Variants in CACUL1 observed in about 807,000 individuals in gnomAD.
CACUL1 encodes the protein CDK2-associated and cullin domain-containing protein 1.
CACUL1 carries 13 observed loss-of-function variants against 45.2 expected under a neutral mutation model. That is an observed-to-expected ratio of 0.29 (90% confidence interval 0.19 to 0.46). The LOEUF (loss-of-function observed/expected upper bound fraction) is 0.46. Ranked by LOEUF, CACUL1 falls within the 20% of genes least tolerant of loss-of-function variation. The pLI, the probability that CACUL1 is intolerant of heterozygous loss-of-function variation, is 1.00. For missense variants in CACUL1, 421 were observed against 471.4 expected (o/e 0.89, Z 0.99); for synonymous variants, 197 against 174.2 (o/e 1.13, Z -1.03).
At chr10:118,722,750 T>C (rs1190452909) in intron 3 of CACUL1, among the ~76,000 whole-genome samples, 1 of 152,040 alleles carries the variant, frequency 6.6e-6, no homozygotes, top group East Asian at 1.9e-4. Flanking sequence ...ACTCCAAAGG[T>C]GGGGCTTGGA....
Position 118,691,290 on chromosome 10 carries a change from C to T in CACUL1, c.1000G>A (p.Glu334Lys). ...YAAQDQKFQR[E>K]LIQNGFTRGD... Reference sequence around the variant, plus strand: ...CTTGTAAAACCATTCTGTATAAGTTCTCTTTGAAATTTCTGATCTTGAGCA... The same window carrying T: ...CTTGTAAAACCATTCTGTATAAGTTTTCTTTGAAATTTCTGATCTTGAGCA... Residue 334 changes from glutamate (E) to lysine (K), a missense_variant, in exon 7 of 9, where the codon GAA (glutamate) becomes AAA (lysine). Transcript: ENST00000369151. 1 of 1,613,488 alleles carries T rather than the reference C, an allele frequency of 6.2e-7. No individual in the cohort carries two copies. Among genetic ancestry groups the T allele is most frequent in the Non-Finnish European group, 8.5e-7 (1 of 1,179,768 alleles).
chr10:118,705,715 G>C (rs1845426608), intron 4 of CACUL1, among the ~76,000 whole-genome samples: 1 of 152,024 alleles, frequency 6.6e-6, no homozygotes, highest in African/African-American at 2.4e-5. Flanking sequence ...TTCTAACAAA[G>C]ACACTAATTT....
intron 1 of CACUL1, 126 bp from the exon 2 acceptor site, chr10:118,730,536 C>G (rs754722603): frequency 1.1e-6 from 1 of 873,242 alleles, no homozygotes; most frequent in Non-Finnish European, 1.7e-6. Flanking sequence ...ACTCTATCAC[C>G]TAACTATCCT....
At chr10:118,712,591 A>G (rs879616445) in intron 3 of CACUL1, among the ~76,000 whole-genome samples, 1 of 152,248 alleles carries the variant, frequency 6.6e-6, no homozygotes, top group African/African-American at 2.4e-5. Flanking sequence ...TCACTGAGCA[A>G]CAGAACAGCT....
At chr10:118,732,739 C>T (rs1274691110) in intron 1 of CACUL1, among the ~76,000 whole-genome samples, 1 of 152,148 alleles carries the variant, frequency 6.6e-6, no homozygotes, top group Non-Finnish European at 1.5e-5. Context: ...CCCTGCCTCA[C>T]TTCCCCAATC....
At chr10:118,733,359 C>T (rs928963486) in intron 1 of CACUL1, among the ~76,000 whole-genome samples, 5 of 152,190 alleles carry the variant, frequency 3.3e-5, no homozygotes, top group South Asian at 4.1e-4. Context: ...TATTTCCACA[C>T]GTATTATTTA....
chr10:118,701,866 GACC>G (rs1282582964), intron 4 of CACUL1, among the ~76,000 whole-genome samples: 2 of 152,210 alleles, frequency 1.3e-5, no homozygotes, highest in East Asian at 3.9e-4. Flanking sequence ...ATTCCCTGGG[GACC>G]ACCTTTGGTT....
chr10:118,693,290 A>T (rs1845289865), intron 6 of CACUL1: 1 of 155,144 alleles, frequency 6.4e-6, no homozygotes. Flanking sequence ...AAATATTCTA[A>T]TCTTAATCTG....
intron 4 of CACUL1, among the ~76,000 whole-genome samples, chr10:118,702,949 C>G (rs1469145088): frequency 1.3e-5 from 2 of 152,084 alleles, no homozygotes; most frequent in Non-Finnish European, 2.9e-5. Context: ...TGTTAAGTTG[C>G]TCACTGATTC....
At chr10:118,749,837 C>T (rs953797638) in intron 1 of CACUL1, among the ~76,000 whole-genome samples, 5 of 151,960 alleles carry the variant, frequency 3.3e-5, no homozygotes, top group African/African-American at 4.8e-5. Flanking sequence ...CACAGTAGGG[C>T]TGGTGGACCC....
chr10:118,730,451 T>G, intron 1 of CACUL1, 41 bp from the exon 2 acceptor site: 1 of 1,552,510 alleles, frequency 6.4e-7, no homozygotes, highest in Non-Finnish European at 8.7e-7. Context: ...ACGTGCCACA[T>G]GTGGAGCAAA....
chr10:118,691,193 C>A lies in CACUL1; in HGVS notation c.1025+72G>T, dbSNP rs145439033. ...TCCCATTCTCAGAACCTTACCATTTCTCCCATGTCAAGCCAGACTGGCCTA... is the reference window on the plus strand; with the variant it reads ...TCCCATTCTCAGAACCTTACCATTTATCCCATGTCAAGCCAGACTGGCCTA... On this transcript the variant is annotated intron_variant, in intron 7 of 8. Transcript: ENST00000369151. 2.2e-4 allele frequency: 293 copies of A among 1,334,742 alleles called. No homozygotes were observed. The African/African-American group carries it at 3.8e-3, about 17-fold the overall frequency. The allele number at this position is 1,334,742 out of a possible 1,614,324, so 82.7% of individuals were successfully genotyped here. A position where few individuals can be genotyped will look rare whatever the true frequency, so the allele number is the denominator to read the frequency against.
In CACUL1 at chr10:118,681,593, T is replaced by G. The variant is rs1237794065; in HGVS notation, c.*4535A>C. The G allele has an allele frequency of 6.6e-6, 1 of 152,194 alleles. No homozygotes were observed. The highest frequency in any genetic ancestry group is 1.5e-5 in the Non-Finnish European group (1 of 68,034). 9.4% of individuals were successfully genotyped at this position (152,194 alleles called of 1,614,324 possible). A position where few individuals can be genotyped will look rare whatever the true frequency, so the allele number is the denominator to read the frequency against. On this transcript the variant is annotated 3_prime_UTR_variant, in exon 9 of 9. Coordinates refer to ENST00000369151, the MANE Select transcript of CACUL1 (RefSeq NM_153810.5). ...ATAAAGTTCTCAGAATTGTAAGCCA[T>G]TAACATTTTTCTAAACAATGCAGTC...
chr10:118,742,994 C>T (rs1480476248), intron 1 of CACUL1, among the ~76,000 whole-genome samples: 2 of 152,174 alleles, frequency 1.3e-5, no homozygotes, highest in African/African-American at 2.4e-5. Flanking sequence ...CACTATACTA[C>T]TTCAAGAAAC....
chr10:118,727,143 C>T (rs1845659309), intron 3 of CACUL1, among the ~76,000 whole-genome samples: 1 of 152,080 alleles, frequency 6.6e-6, no homozygotes, highest in South Asian at 2.1e-4. Context: ...AATCCTAGTA[C>T]TTTGGGAGGC....
chr10:118,724,183 A>G (rs1335908927), intron 3 of CACUL1, among the ~76,000 whole-genome samples: 1 of 152,086 alleles, frequency 6.6e-6, no homozygotes, highest in African/African-American at 2.4e-5. Flanking sequence ...TGAGCCTTAT[A>G]CTCCAATTTA....
chr10:118,731,436 A>G (rs1845697048), intron 1 of CACUL1, among the ~76,000 whole-genome samples: 1 of 152,160 alleles, frequency 6.6e-6, no homozygotes, highest in South Asian at 2.1e-4. Context: ...TCTATGTACC[A>G]TCTATATCAT....
intron 3 of CACUL1, among the ~76,000 whole-genome samples, chr10:118,727,708 A>C (rs1845664382): frequency 6.6e-6 from 1 of 152,248 alleles, no homozygotes; most frequent in Non-Finnish European, 1.5e-5. Context: ...TTCATCAATC[A>C]AAAACTGGTT....
chr10:118,697,446 A>G (rs145268611), intron 5 of CACUL1, among the ~76,000 whole-genome samples: 7 of 152,358 alleles, frequency 4.6e-5, no homozygotes, highest in Admixed American at 2.0e-4. Flanking sequence ...CGTATAGTTT[A>G]AACACTAGAA....
Sources: allele counts gnomAD v4.1 joint callset (sites outside exome capture counted in the v4.1 genomes callset), GRCh38; gene constraint gnomAD v4.1.1; transcripts MANE v1.5; gene names NCBI Gene and HGNC (gene_info 2026-07-23, HGNC 2026-07-21).